Variants in C8orf34 observed in about 807,000 individuals in gnomAD.
C8orf34 encodes uncharacterized protein C8orf34.
A neutral mutation model predicts 68.3 loss-of-function variants in C8orf34; 65 were observed. That is an observed-to-expected ratio of 0.95 (90% CI 0.78 to 1.17). The LOEUF (loss-of-function observed/expected upper bound fraction) is 1.17, where lower values mean the gene tolerates loss of function less well. C8orf34 is among the 50% of genes most tolerant of loss of function. The pLI, the probability that C8orf34 is intolerant of heterozygous loss-of-function variation, is 0.00. For synonymous variants in C8orf34, 244 were observed against 241.2 expected, an observed-to-expected ratio of 1.01 and a Z score of -0.11; for missense variants, 664 against 655.4, an observed-to-expected ratio of 1.01 and a Z score of -0.14.
At chr8:68,476,089 A>G (rs368679122) in intron 4 of C8orf34, among the ~76,000 whole-genome samples, 2 of 152,246 alleles carry the variant, frequency 1.3e-5, no homozygotes, top group Non-Finnish European at 2.9e-5. Context: ...CTAAGGAGTG[A>G]TAGAATAACT....
intron 4 of C8orf34, among the ~76,000 whole-genome samples, chr8:68,470,093 G>T (rs1422118138): frequency 2.0e-5 from 3 of 151,862 alleles, no homozygotes; most frequent in Non-Finnish European, 4.4e-5. Context: ...CCCTCTGAAT[G>T]GGATTCAAGG....
chr8:68,690,358 A>C (rs910038960), intron 8 of C8orf34, among the ~76,000 whole-genome samples: 3 of 152,036 alleles, frequency 2.0e-5, no homozygotes, highest in Non-Finnish European at 4.4e-5. Context: ...AAAGCATACA[A>C]ATTTATTTAA....
chr8:68,725,478 C>CT (rs1342233474), intron 10 of C8orf34, among the ~76,000 whole-genome samples: 1 of 152,170 alleles, frequency 6.6e-6, no homozygotes, highest in African/African-American at 2.4e-5. Context: ...TATTATCCTC[C>CT]TGGAGAGTTT....
intron 7 of C8orf34, among the ~76,000 whole-genome samples, chr8:68,594,639 G>T (rs1817489710): frequency 6.6e-6 from 1 of 151,774 alleles, no homozygotes; most frequent in African/African-American, 2.4e-5. Context: ...TATCTTCATG[G>T]TTCATCAGTT....
chr8:68,453,313 C>T (rs1196171655), intron 3 of C8orf34, among the ~76,000 whole-genome samples: 1 of 151,992 alleles, frequency 6.6e-6, no homozygotes, highest in East Asian at 1.9e-4. Context: ...AATATTTCTG[C>T]ATAAAGGCCA....
chr8:68,366,580 C>T (rs1350468474), intron 1 of C8orf34, among the ~76,000 whole-genome samples: 1 of 151,606 alleles, frequency 6.6e-6, no homozygotes, highest in East Asian at 2.0e-4. Flanking sequence ...ACAGAGCCCT[C>T]AGAAATAACA....
chr8:68,513,022 C>T (rs371224208), intron 5 of C8orf34, among the ~76,000 whole-genome samples: 31 of 152,264 alleles, frequency 2.0e-4, no homozygotes, highest in African/African-American at 6.7e-4. Context: ...ATTGTGAAGC[C>T]GGCACATCAA....
At chr8:68,811,564 G>C (rs1824653553) in intron 12 of C8orf34, among the ~76,000 whole-genome samples, 1 of 152,222 alleles carries the variant, frequency 6.6e-6, no homozygotes, top group Non-Finnish European at 1.5e-5. Flanking sequence ...AGCCGCTCCA[G>C]ATGGTCCACT....
At chr8:68,430,775 T>A (rs567307314) in intron 1 of C8orf34, among the ~76,000 whole-genome samples, 2 of 152,248 alleles carry the variant, frequency 1.3e-5, no homozygotes, top group African/African-American at 2.4e-5. Context: ...CTGAATATTC[T>A]CTTGGGGGAT....
At chr8:68,535,341 T>C (rs1332525420) in intron 7 of C8orf34, 1 of 983,090 alleles carries the variant, frequency 1.0e-6, no homozygotes. Context: ...TGTTTGTAAA[T>C]GTTTAACTTG....
intron 11 of C8orf34, among the ~76,000 whole-genome samples, chr8:68,784,808 G>C (rs1823798020): frequency 6.6e-6 from 1 of 151,494 alleles, no homozygotes; most frequent in Admixed American, 6.6e-5. Context: ...GTGTATGTGT[G>C]TGTGTGTGTG....
intron 7 of C8orf34, among the ~76,000 whole-genome samples, chr8:68,605,474 G>A (rs984238715): frequency 2.0e-5 from 3 of 151,784 alleles, no homozygotes; most frequent in African/African-American, 7.3e-5. Context: ...TTCTTCAGTA[G>A]GTTAATGGAT....
Position 68,480,234 on chromosome 8 carries a change from T to C in C8orf34, c.737-7789T>C, listed in dbSNP as rs202223436. On this transcript the variant is annotated intron_variant, in intron 4 of 13. Transcript: ENST00000518698. The stretch of plus-strand genomic sequence containing the variant: ...AGTGAATAAGTCTCACAAGATCTGA[T>C]GGGTTTATCAGGGGGTTCTGCTTTT... 5.3e-5 allele frequency among the ~76,000 whole-genome samples: 8 copies of C among 152,298 alleles called. No individual in the cohort carries two copies. In the East Asian group the frequency reaches 1.5e-3, roughly 29 times the overall value.
intron 1 of C8orf34, among the ~76,000 whole-genome samples, chr8:68,420,797 G>C (rs1809933021): frequency 6.6e-6 from 1 of 151,636 alleles, no homozygotes; most frequent in Admixed American, 6.6e-5. Context: ...ATTAAACATA[G>C]CTGAAGACAA....
chr8:68,481,357 A>G (rs34472413), intron 4 of C8orf34, among the ~76,000 whole-genome samples: 94,837 of 151,730 alleles, frequency 0.63, 30,010 homozygotes, highest in East Asian at 0.88. Context: ...GGATAACTCT[A>G]CTAGGGCAGT....
At chr8:68,540,845 C>CA (rs11299984) in intron 7 of C8orf34, among the ~76,000 whole-genome samples, 34 of 150,764 alleles carry the variant, frequency 2.3e-4, no homozygotes, top group African/African-American at 8.0e-4. Context: ...GCGTCTCAAA[C>CA]AAAAAAAAAA....
chr8:68,336,817 T>A (rs1805872328), intron 1 of C8orf34, among the ~76,000 whole-genome samples: 2 of 152,010 alleles, frequency 1.3e-5, no homozygotes, highest in African/African-American at 4.8e-5. Context: ...TGTCAAAAAG[T>A]AAGGAAGAGC....
At chr8:68,706,041 A>C (rs912961378) in intron 8 of C8orf34, among the ~76,000 whole-genome samples, 6 of 152,218 alleles carry the variant, frequency 3.9e-5, no homozygotes, top group Non-Finnish European at 7.3e-5. Flanking sequence ...GGTGACACAG[A>C]GGAGAGCTGA....
intron 7 of C8orf34, among the ~76,000 whole-genome samples, chr8:68,551,258 G>A (rs1816060150): frequency 6.6e-6 from 1 of 151,684 alleles, no homozygotes; most frequent in Non-Finnish European, 1.5e-5. Context: ...ATAATCTGAA[G>A]CTCAGAGATT....
Sources: allele counts gnomAD v4.1 joint callset (sites outside exome capture counted in the v4.1 genomes callset), GRCh38; gene constraint gnomAD v4.1.1; transcripts MANE v1.5; gene names NCBI Gene and HGNC (gene_info 2026-07-23, HGNC 2026-07-21).